The following RYR3 variants were observed in gnomAD, a reference collection of about 807,000 sequenced individuals.
RYR3 encodes ryanodine receptor 3.
Under a neutral mutation model 584.3 loss-of-function variants are expected in RYR3, and 207 were observed. That is an observed-to-expected ratio of 0.35 (90% CI 0.32 to 0.40). The LOEUF (loss-of-function observed/expected upper bound fraction) is 0.40. RYR3 is among the 10% of genes least tolerant of loss of function. The pLI, the probability that RYR3 is intolerant of heterozygous loss-of-function variation, is 1.00. For synonymous variants in RYR3, 2,416 were observed against 2,248.5 expected (o/e 1.07, Z -2.11); for missense variants, 5,616 against 6,089.2 (o/e 0.92, Z 2.59).
intron 3 of RYR3, among the ~76,000 whole-genome samples, chr15:33,517,621 A>AT (rs1426467781): frequency 6.6e-6 from 1 of 152,200 alleles, no homozygotes; most frequent in Admixed American, 6.5e-5. Flanking sequence ...ATCATGGCTG[A>AT]TATCTTTGCG....
At chr15:33,854,713 T>C in intron 97 of RYR3, 53 bp from the exon 98 acceptor site, 1 of 1,552,824 alleles carries the variant, frequency 6.4e-7, no homozygotes, top group Non-Finnish European at 8.7e-7. Flanking sequence ...TGTTTTATAA[T>C]GAGCACACTA....
chr15:33,760,865 C>T (rs2072365063), intron 60 of RYR3, among the ~76,000 whole-genome samples: 1 of 152,134 alleles, frequency 6.6e-6, no homozygotes, highest in African/African-American at 2.4e-5. Flanking sequence ...CACTCCTCAG[C>T]AAATGTAAAA....
intron 97 of RYR3, 59 bp from the exon 98 acceptor site, chr15:33,854,707 T>G: frequency 1.3e-6 from 2 of 1,542,158 alleles, no homozygotes; most frequent in Non-Finnish European, 1.7e-6. Context: ...AAAAAATGTT[T>G]TATAATGAGC....
At chr15:33,544,601 C>T (rs2056098089) in intron 8 of RYR3, among the ~76,000 whole-genome samples, 1 of 152,156 alleles carries the variant, frequency 6.6e-6, no homozygotes, top group Non-Finnish European at 1.5e-5. Context: ...GACTCTCCAT[C>T]AGGGACCATT....
intron 3 of RYR3, among the ~76,000 whole-genome samples, chr15:33,516,621 C>T (rs972348262): frequency 1.3e-5 from 2 of 152,174 alleles, no homozygotes; most frequent in Non-Finnish European, 2.9e-5. Flanking sequence ...TAGGCGTGTG[C>T]CACCACCCCT....
At chr15:33,440,349 T>C (rs1323997610) in intron 1 of RYR3, among the ~76,000 whole-genome samples, 1 of 152,140 alleles carries the variant, frequency 6.6e-6, no homozygotes, top group African/African-American at 2.4e-5. Context: ...AGGAAGTACA[T>C]AGGTAAGCAC....
intron 18 of RYR3, among the ~76,000 whole-genome samples, chr15:33,605,377 C>T (rs2059857075): frequency 1.3e-5 from 2 of 152,180 alleles, no homozygotes; most frequent in African/African-American, 2.4e-5. Context: ...CTCCTGTCTC[C>T]TCTGAAGGCA....
At chr15:33,659,413 G>T (rs975695888) in intron 32 of RYR3, among the ~76,000 whole-genome samples, 8 of 152,348 alleles carry the variant, frequency 5.3e-5, no homozygotes, top group South Asian at 2.1e-4. Flanking sequence ...GTATGCCTTT[G>T]GTGGGGAGTT....
intron 88 of RYR3, 62 bp from the exon 89 acceptor site, chr15:33,837,569 A>G: frequency 6.8e-7 from 1 of 1,469,320 alleles, no homozygotes; most frequent in African/African-American, 1.4e-5. Flanking sequence ...GCTACCTGAC[A>G]AGTGACATGA....
intron 1 of RYR3, among the ~76,000 whole-genome samples, chr15:33,432,289 G>A (rs1254577535): frequency 1.3e-5 from 2 of 152,094 alleles, no homozygotes; most frequent in East Asian, 3.9e-4. Context: ...TTAGTTAAAA[G>A]GAAGAACAGT....
chr15:33,774,169 T>C (rs1270467154), intron 64 of RYR3, among the ~76,000 whole-genome samples: 1 of 152,224 alleles, frequency 6.6e-6, no homozygotes, highest in African/African-American at 2.4e-5. Flanking sequence ...GTTTTGCCTC[T>C]CTAATCTGCT....
intron 74 of RYR3, among the ~76,000 whole-genome samples, chr15:33,814,928 G>A (rs1039029249): frequency 3.2e-4 from 44 of 139,662 alleles, no homozygotes; most frequent in African/African-American, 1.0e-3. Flanking sequence ...AAATCAGCCA[G>A]GTGTGGTGGC....
At chr15:33,367,202 G>C (rs933774053) in intron 1 of RYR3, among the ~76,000 whole-genome samples, 2 of 152,196 alleles carry the variant, frequency 1.3e-5, no homozygotes, top group Admixed American at 6.5e-5. Flanking sequence ...ATTACCAGAT[G>C]TTAAATTCTT....
chr15:33,526,642 CTTT>C (rs35167394), intron 3 of RYR3, among the ~76,000 whole-genome samples: 7 of 149,198 alleles, frequency 4.7e-5, no homozygotes, highest in African/African-American at 1.2e-4. Context: ...TTCTCTATGC[CTTT>C]TTTTTTTTTC....
intron 43 of RYR3, among the ~76,000 whole-genome samples, chr15:33,718,795 TCGAAA>T (rs138077833): frequency 0.013 from 2,052 of 152,204 alleles, 42 homozygotes; most frequent in African/African-American, 0.047. Flanking sequence ...TTCAGGAACA[TCGAAA>T]AGAAAACAGT....
At position 33,860,605 on chromosome 15, in the gene RYR3, T is replaced by A; in HGVS notation, c.14310T>A (p.Ile4770=). The A allele has an allele frequency of 6.3e-7, 1 of 1,586,808 alleles. No individual in the cohort carries two copies. Among genetic ancestry groups the A allele is most frequent in the African/African-American group, 1.3e-5 (1 of 74,672 alleles). ...TATTTAACATTCCAGGTCTTATTAT[T>A]GATGCTTTCGGAGAGCTAAGAGACC... The part of the protein sequence containing the change: ...ILLAIIQGLI[I]DAFGELRDQQ... The change falls in exon 101 of 104, where the codon ATT becomes ATA. Residue 4770 remains isoleucine (I), a synonymous_variant. Transcript: ENST00000634891.
At position 33,538,740 on chromosome 15, in the gene RYR3, C is replaced by CTT. The variant is rs1432647634; in HGVS notation, c.434-606_434-605dup. Reference sequence around the variant, plus strand: ...CTTGAGATTCTGCAGCAGGAATTGGCTTTTTATTGATGGTTTCTTCATCTC... The same window carrying CTT: ...CTTGAGATTCTGCAGCAGGAATTGGCTTTTTTTATTGATGGTTTCTTCATCTC... On this transcript the variant is annotated intron_variant, in intron 5 of 103. Transcript: ENST00000634891. Among the ~76,000 whole-genome samples the CTT allele has an allele frequency of 4.6e-5, 7 of 152,304 alleles. No homozygotes were observed. In the South Asian group the frequency reaches 1.5e-3, roughly 32 times the overall value.
intron 20 of RYR3, among the ~76,000 whole-genome samples, chr15:33,626,367 GA>G (rs1452798883): frequency 1.3e-5 from 2 of 152,184 alleles, no homozygotes; most frequent in Non-Finnish European, 2.9e-5. Context: ...CTTTGAATTT[GA>G]GAGAGATGAT....
intron 67 of RYR3, among the ~76,000 whole-genome samples, chr15:33,799,393 C>T (rs1163464705): frequency 6.6e-6 from 1 of 152,068 alleles, no homozygotes; most frequent in Non-Finnish European, 1.5e-5. Flanking sequence ...AGTTTAATAA[C>T]CAATGGCCAG....
Sources: allele counts gnomAD v4.1 joint callset (sites outside exome capture counted in the v4.1 genomes callset), GRCh38; gene constraint gnomAD v4.1.1; transcripts MANE v1.5; gene names NCBI Gene and HGNC (gene_info 2026-07-23, HGNC 2026-07-21).